The following CALD1 variants were observed in gnomAD, a reference collection of about 807,000 sequenced individuals.
CALD1 encodes caldesmon 1, also known as caldesmon.
CALD1 carries 33 observed loss-of-function variants against 99.9 expected under a neutral mutation model. That is an observed-to-expected ratio of 0.33 (90% confidence interval 0.25 to 0.44). The LOEUF (loss-of-function observed/expected upper bound fraction) is 0.44. CALD1 is among the 20% of genes least tolerant of loss of function. The pLI is 1.00. For synonymous variants in CALD1, 310 were observed against 325.0 expected, an observed-to-expected ratio of 0.95 and a Z score of 0.50; for missense variants, 861 against 962.1, an observed-to-expected ratio of 0.89 and a Z score of 1.39.
At chr7:134,724,539 G>T in the CALD1 span, among the ~76,000 whole-genome samples, 1 of 152,200 alleles carries the variant, frequency 6.6e-6, no homozygotes, top group Non-Finnish European at 1.5e-5. Context: ...AGACTTGATG[G>T]TAGTGTTGCA....
chr7:134,791,844 A>G (rs867278899), intron 1 of CALD1, among the ~76,000 whole-genome samples: 1 of 152,218 alleles, frequency 6.6e-6, no homozygotes, highest in Non-Finnish European at 1.5e-5. Context: ...CCTCACAATC[A>G]TGGCGGAAGG....
chr7:134,730,877 G>T, the CALD1 span, among the ~76,000 whole-genome samples: 1 of 152,016 alleles, frequency 6.6e-6, no homozygotes, highest in African/African-American at 2.4e-5. Context: ...CAAAGGAAAA[G>T]CTCCTTCTCC....
In CALD1 at chr7:134,894,450, A is replaced by G. The variant is rs193109991; in HGVS notation, c.71+26646A>G. 1.1e-3 allele frequency among the ~76,000 whole-genome samples: 161 copies of G among 152,314 alleles called. 1 individual carries two copies. The highest frequency in any genetic ancestry group is 3.5e-3 in the Admixed American group (54 of 15,308). ...CCTATTATTGAGTAAATCAAACTCAATTCCCCTTAGTTTACCTTTTTCATT... is the reference window on the plus strand; with the variant it reads ...CCTATTATTGAGTAAATCAAACTCAGTTCCCCTTAGTTTACCTTTTTCATT... On this transcript the variant is annotated intron_variant, in intron 3 of 14. Transcript: ENST00000361675.
chr7:134,933,415 A>G lies in CALD1; in HGVS notation c.646A>G (p.Thr216Ala). Residue 216 changes from threonine (T) to alanine (A), a missense_variant, in exon 5 of 15, where the codon ACA (threonine) becomes GCA (alanine). Physicochemically the swap from Thr to Ala is moderately conservative, Grantham distance 58 (BLOSUM62 0). This residue lies in a region of CALD1 where 234 missense variants were observed against 233.1 expected (regional missense o/e 1.00). Transcript: ENST00000361675. ...NQVEVMVEEK[T>A]TESQEETVVM... is the part of the protein sequence containing the mutation. ...GGTAGAGGTGATGGTGGAAGAGAAA[A>G]CAACTGAAAGCCAGGAGGAAACAGT... The G allele has an allele frequency of 6.2e-7, 1 of 1,613,446 alleles. No homozygotes were observed. The highest frequency in any genetic ancestry group is 8.5e-7 in the Non-Finnish European group (1 of 1,179,646).
At chr7:134,797,430 G>A (rs1797787213) in intron 1 of CALD1, among the ~76,000 whole-genome samples, 1 of 152,220 alleles carries the variant, frequency 6.6e-6, no homozygotes, top group South Asian at 2.1e-4. Flanking sequence ...ATATGTGAAA[G>A]TGCTTGTGCT....
chr7:134,813,251 A>AT (rs1563018899), intron 1 of CALD1, among the ~76,000 whole-genome samples: 3 of 152,170 alleles, frequency 2.0e-5, no homozygotes, highest in South Asian at 4.1e-4. Flanking sequence ...CATTTTCAGA[A>AT]TTTTTTTTGA....
At chr7:134,873,671 T>C (rs1292263199) in intron 3 of CALD1, among the ~76,000 whole-genome samples, 1 of 152,190 alleles carries the variant, frequency 6.6e-6, no homozygotes, top group East Asian at 1.9e-4. Flanking sequence ...GGGCATGAGC[T>C]TTAGCACTGG....
chr7:134,856,685 A>G (rs759746565), intron 2 of CALD1, among the ~76,000 whole-genome samples: 2 of 142,932 alleles, frequency 1.4e-5, no homozygotes, highest in African/African-American at 5.1e-5. Context: ...AATGCCTAAT[A>G]CTCCTCTTCC....
At chr7:134,913,262 A>G (rs1242814114) in intron 3 of CALD1, among the ~76,000 whole-genome samples, 2 of 152,104 alleles carry the variant, frequency 1.3e-5, no homozygotes, top group East Asian at 1.9e-4. Flanking sequence ...GTGAATCTCC[A>G]TCTCAAAAAA....
At chr7:134,853,046 T>C (rs1193850905) in intron 2 of CALD1, among the ~76,000 whole-genome samples, 1 of 152,220 alleles carries the variant, frequency 6.6e-6, no homozygotes, top group Non-Finnish European at 1.5e-5. Context: ...TTCACAGAGC[T>C]GGATGGGTCT....
chr7:134,727,828 A>T, the CALD1 span, among the ~76,000 whole-genome samples: 1 of 152,128 alleles, frequency 6.6e-6, no homozygotes, highest in Admixed American at 6.5e-5. Context: ...AGCATGAATG[A>T]TTCTATTTTG....
intron 3 of CALD1, among the ~76,000 whole-genome samples, chr7:134,905,369 G>A (rs1304266994): frequency 6.6e-6 from 1 of 152,110 alleles, no homozygotes; most frequent in East Asian, 1.9e-4. Flanking sequence ...TATGACTTCC[G>A]TGGTTAGCTA....
chr7:134,967,829 C>T (rs939184242), intron 14 of CALD1, among the ~76,000 whole-genome samples: 2 of 152,036 alleles, frequency 1.3e-5, no homozygotes, highest in Non-Finnish European at 2.9e-5. Context: ...TGAAAAAAAT[C>T]AGCAGAAGGA....
intron 1 of CALD1, among the ~76,000 whole-genome samples, chr7:134,818,464 C>T (rs561981381): frequency 1.3e-5 from 2 of 152,054 alleles, no homozygotes; most frequent in Non-Finnish European, 1.5e-5. Context: ...TTTTCATTTA[C>T]TTCTCTGTTT....
At chr7:134,816,062 G>A (rs1379300658) in intron 1 of CALD1, among the ~76,000 whole-genome samples, 7 of 152,066 alleles carry the variant, frequency 4.6e-5, no homozygotes, top group African/African-American at 7.2e-5. Flanking sequence ...CTTTCACTCA[G>A]CCTATCTAAA....
Position 134,779,723 on chromosome 7 carries a change from C to T in CALD1, c.-156C>T, listed in dbSNP as rs1246031672. 1.3e-5 allele frequency: 5 copies of T among 398,468 alleles called. No homozygotes were observed. Among genetic ancestry groups the T allele is most frequent in the Non-Finnish European group, 2.2e-5 (5 of 226,100 alleles). 24.7% of individuals were successfully genotyped at this position (398,468 alleles called of 1,614,324 possible). On this transcript the variant is annotated 5_prime_UTR_variant, in exon 1 of 15. Coordinates refer to ENST00000361675, the MANE Select transcript of CALD1 (RefSeq NM_033138.4). ...ATCAGTCCTTCCTTTCCGACTTAGTCCTCGGGAAGAAGTTTCAGACTACAA... is the reference window on the plus strand; with the variant it reads ...ATCAGTCCTTCCTTTCCGACTTAGTTCTCGGGAAGAAGTTTCAGACTACAA...
At chr7:134,712,398 GC>G in the CALD1 span, among the ~76,000 whole-genome samples, 1 of 152,168 alleles carries the variant, frequency 6.6e-6, no homozygotes, top group Non-Finnish European at 1.5e-5. Flanking sequence ...GAAGACAAAT[GC>G]CCCAGATTAC....
At chr7:134,920,559 G>A in intron 3 of CALD1, 1 of 1,274,822 alleles carries the variant, frequency 7.8e-7, no homozygotes, top group Non-Finnish European at 1.0e-6. Context: ...GAAAGCTGGG[G>A]ACAGAATAGT....
At chr7:134,832,220 C>G (rs2132081848) in intron 1 of CALD1, among the ~76,000 whole-genome samples, 1 of 152,332 alleles carries the variant, frequency 6.6e-6, no homozygotes, top group South Asian at 2.1e-4. Context: ...AAAGCTGTTT[C>G]TCTCTGGGGT....
Sources: gnomAD v4.1 joint callset for allele counts (sites outside exome capture counted in the v4.1 genomes callset) on GRCh38, gnomAD v4.1.1 for gene constraint, gnomAD v4.1.1 regional missense constraint, MANE v1.5 for transcripts, NCBI Gene and HGNC (gene_info 2026-07-23, HGNC 2026-07-21) for gene names.